The following SPRYD7 variants were observed in gnomAD, a reference collection of about 807,000 sequenced individuals.
SPRYD7 encodes SPRY domain-containing protein 7.
In SPRYD7, 14 loss-of-function variants were observed where a neutral mutation model predicts 23.8. The ratio of observed to expected loss-of-function variants is 0.59; its 90% CI spans 0.39 to 0.92. The LOEUF (loss-of-function observed/expected upper bound fraction) is 0.92. Among genes scored for constraint, SPRYD7 ranks in the 40% least tolerant of loss-of-function variants. The probability of loss-of-function intolerance (pLI) is 0.00; values close to 1 mark genes in which losing one functional copy is unlikely to be tolerated. For synonymous variants in SPRYD7, 75 were observed against 84.9 expected (o/e 0.88, Z 0.64); for missense variants, 194 against 241.7 (o/e 0.80, Z 1.31).
chr13:49,913,620 T>G lies in SPRYD7; in HGVS notation c.*1443A>C, dbSNP rs947659523. The G allele has an allele frequency of 2.0e-5, 3 of 151,854 alleles. No homozygotes were observed. The highest frequency in any genetic ancestry group is 7.3e-5 in the African/African-American group (3 of 41,360). The allele number at this position is 151,854 out of a possible 1,614,324, so 9.4% of individuals were successfully genotyped here. ...TCACTGCAAGCGCCGTCTCCCGGGT[T>G]CAAGCCATTCTCCTGCCTCAGCCTC... On this transcript the variant is annotated 3_prime_UTR_variant, in exon 5 of 5. Transcript: ENST00000361840.
At chr13:49,933,813 A>C (rs1006173353) in intron 1 of SPRYD7, among the ~76,000 whole-genome samples, 39 of 152,214 alleles carry the variant, frequency 2.6e-4, no homozygotes, top group African/African-American at 8.4e-4. Flanking sequence ...TGTTTTAAGA[A>C]ACATAAATTT....
intron 4 of SPRYD7, among the ~76,000 whole-genome samples, chr13:49,917,091 T>C (rs1254400591): frequency 6.6e-6 from 1 of 152,138 alleles, no homozygotes; most frequent in Non-Finnish European, 1.5e-5. Context: ...AACTTTGTTT[T>C]TTTTTGTTTT....
Position 49,936,291 on chromosome 13 carries a change from C to G in SPRYD7, c.-56G>C. On this transcript the variant is annotated 5_prime_UTR_variant, in exon 1 of 5. Transcript: ENST00000361840. ...CCTAGACCGAGGCGACACTGCCCCC[C>G]GCCGCTCAGCTCCGTCTCCTGCCCC... is the stretch of plus-strand genomic sequence containing the variant. 3.8e-6 allele frequency: 5 copies of G among 1,310,554 alleles called. No individual in the cohort carries two copies. The highest frequency in any genetic ancestry group is 2.1e-5 in the Admixed American group (1 of 48,542). 81.2% of individuals were successfully genotyped at this position (1,310,554 alleles called of 1,614,324 possible). A position where few individuals can be genotyped will look rare whatever the true frequency, so the allele number is the denominator to read the frequency against.
intron 4 of SPRYD7, among the ~76,000 whole-genome samples, chr13:49,918,709 T>A (rs35754457): frequency 1.8e-3 from 266 of 151,606 alleles, no homozygotes; most frequent in East Asian, 5.3e-3. Context: ...TTTTTAATTT[T>A]ATTTTATTTT....
At chr13:49,935,134 T>C (rs1363243813) in intron 1 of SPRYD7, among the ~76,000 whole-genome samples, 1 of 152,146 alleles carries the variant, frequency 6.6e-6, no homozygotes, top group Admixed American at 6.6e-5. Flanking sequence ...AAAAATACAG[T>C]GGGCAGAGTG....
chr13:49,919,951 T>C (rs747215764), intron 4 of SPRYD7, among the ~76,000 whole-genome samples: 20 of 151,726 alleles, frequency 1.3e-4, no homozygotes, highest in Non-Finnish European at 1.9e-4. Flanking sequence ...TGGGGGGGTG[T>C]AGATGAAACC....
chr13:49,931,545 A>T (rs553697556), intron 1 of SPRYD7, among the ~76,000 whole-genome samples: 1 of 152,344 alleles, frequency 6.6e-6, no homozygotes, highest in African/African-American at 2.4e-5. Context: ...TCCACAAAAA[A>T]TAGGGACACT....
At position 49,913,125 on chromosome 13, in the gene SPRYD7, T is replaced by TA. The variant is rs1008980740; in HGVS notation, c.*1937_*1938insT. Reference sequence around the variant, plus strand: ...GATGTTGCCGGTCTGAGAAGCATCATGAGAACCACTTTCTGGCTGGGTGTG... The same window carrying TA: ...GATGTTGCCGGTCTGAGAAGCATCATAGAGAACCACTTTCTGGCTGGGTGTG... On this transcript the variant is annotated 3_prime_UTR_variant, in exon 5 of 5. Transcript: ENST00000361840. 6.6e-6 allele frequency: 1 copy of TA among 152,136 alleles called. No homozygotes were observed. Among genetic ancestry groups the TA allele is most frequent in the Admixed American group, 6.6e-5 (1 of 15,264 alleles). The allele number at this position is 152,136 out of a possible 1,614,324, so 9.4% of individuals were successfully genotyped here.
chr13:49,922,381 C>T (rs933554446), intron 3 of SPRYD7, among the ~76,000 whole-genome samples: 2 of 151,028 alleles, frequency 1.3e-5, no homozygotes, highest in Admixed American at 1.3e-4. Flanking sequence ...ATGTTATAAA[C>T]CAATAGTGCT....
chr13:49,936,285 G>GC lies in SPRYD7; in HGVS notation c.-51dup, dbSNP rs762309922. 21 of 1,346,364 alleles carry GC rather than the reference G, an allele frequency of 1.6e-5. No individual in the cohort carries two copies. Among genetic ancestry groups the GC allele is most frequent in the Admixed American group, 4.1e-5 (2 of 48,784 alleles). The allele number at this position is 1,346,364 out of a possible 1,614,324, so 83.4% of individuals were successfully genotyped here. On this transcript the variant is annotated 5_prime_UTR_variant, in exon 1 of 5. Transcript: ENST00000361840. ...GCCGTCCCTAGACCGAGGCGACACTGCCCCCCGCCGCTCAGCTCCGTCTCC... is the reference window on the plus strand; with the variant it reads ...GCCGTCCCTAGACCGAGGCGACACTGCCCCCCCGCCGCTCAGCTCCGTCTCC...
At chr13:49,923,777 T>C (rs1177568412) in intron 3 of SPRYD7, among the ~76,000 whole-genome samples, 2 of 150,804 alleles carry the variant, frequency 1.3e-5, no homozygotes, top group Non-Finnish European at 3.0e-5. Flanking sequence ...TACAGGCATG[T>C]GCCACTGTGA....
intron 4 of SPRYD7, among the ~76,000 whole-genome samples, chr13:49,917,083 CTTTGTTTTTT>C (rs1955760344): frequency 6.6e-6 from 1 of 151,958 alleles, no homozygotes. Context: ...GAAGTCATAA[CTTTGTTTTTT>C]TTTGTTTTGT....
intron 3 of SPRYD7, 132 bp from the exon 4 acceptor site, chr13:49,921,712 A>T (rs1292995851): frequency 1.7e-6 from 1 of 605,560 alleles, no homozygotes; most frequent in African/African-American, 1.8e-5. Context: ...ATTTGGTAGA[A>T]TCCTACTTGA....
intron 4 of SPRYD7, among the ~76,000 whole-genome samples, chr13:49,921,084 G>A (rs529211870): frequency 7.2e-5 from 11 of 152,264 alleles, no homozygotes; most frequent in South Asian, 6.2e-4. Context: ...CCCAAATCTC[G>A]TCTTGAATTA....
intron 1 of SPRYD7, among the ~76,000 whole-genome samples, chr13:49,932,212 T>C (rs1367850321): frequency 6.6e-6 from 1 of 152,206 alleles, no homozygotes; most frequent in Non-Finnish European, 1.5e-5. Context: ...GCATTAGTCA[T>C]GTAAGAACTG....
rs573867758 is a variant in SPRYD7 at position 49,929,546 on chromosome 13, A to G, written c.224-1461T>C. On this transcript the variant is annotated intron_variant, in intron 2 of 4. Transcript: ENST00000361840. ...AGTCTTGTACTGTTGCCCAGGCTGGAGCGCAGTGGCACGATCTCGGCTCAC... is the reference window on the plus strand; with the variant it reads ...AGTCTTGTACTGTTGCCCAGGCTGGGGCGCAGTGGCACGATCTCGGCTCAC... 9.2e-5 allele frequency among the ~76,000 whole-genome samples: 14 copies of G among 152,240 alleles called. 1 individual carries two copies. Among genetic ancestry groups the G allele is most frequent in the Middle Eastern group, 3.4e-3 (1 of 294 alleles).
intron 1 of SPRYD7, among the ~76,000 whole-genome samples, chr13:49,932,258 A>G (rs1419686516): frequency 1.3e-5 from 2 of 152,236 alleles, no homozygotes; most frequent in African/African-American, 4.8e-5. Flanking sequence ...ACACACATCT[A>G]TGTTGAAATA....
At chr13:49,919,861 G>A (rs1415764361) in intron 4 of SPRYD7, among the ~76,000 whole-genome samples, 1 of 148,374 alleles carries the variant, frequency 6.7e-6, no homozygotes, top group Non-Finnish European at 1.5e-5. Context: ...AAACATTTAT[G>A]AATAAAATTA....
intron 1 of SPRYD7, among the ~76,000 whole-genome samples, chr13:49,935,304 C>G (rs1594521163): frequency 6.6e-6 from 1 of 152,146 alleles, no homozygotes; most frequent in Non-Finnish European, 1.5e-5. Context: ...AAAGACAGTA[C>G]TCTAACTGAA....
Sources: gnomAD v4.1 joint callset for allele counts (sites outside exome capture counted in the v4.1 genomes callset) on GRCh38, gnomAD v4.1.1 for gene constraint, MANE v1.5 for transcripts, NCBI Gene and HGNC (gene_info 2026-07-23, HGNC 2026-07-21) for gene names.